Variants in BANF2 observed in about 807,000 individuals in gnomAD.
BANF2 encodes barrier-to-autointegration factor-like protein.
BANF2 carries 4 observed loss-of-function variants against 8.0 expected under a neutral mutation model. The observed-to-expected ratio is 0.50, with a 90% CI of 0.25 to 1.14. BANF2 has a LOEUF of 1.14. Ranked by LOEUF, BANF2 falls within the 50% of genes most tolerant of loss-of-function variation. The pLI is 0.16. For synonymous variants in BANF2, 50 were observed against 40.6 expected, an observed-to-expected ratio of 1.23 and a Z score of -0.88; for missense variants, 96 against 107.5, an observed-to-expected ratio of 0.89 and a Z score of 0.47.
chr20:17,728,232 T>A (rs889173600), intron 3 of BANF2, among the ~76,000 whole-genome samples: 1 of 152,186 alleles, frequency 6.6e-6, no homozygotes, highest in African/African-American at 2.4e-5. Flanking sequence ...CGCCCTTGCT[T>A]GTGACGGCGT....
intron 3 of BANF2, among the ~76,000 whole-genome samples, chr20:17,734,195 C>T (rs1162481536): frequency 2.6e-5 from 4 of 152,152 alleles, no homozygotes; most frequent in East Asian, 1.9e-4. Context: ...TTAAAAGCCT[C>T]GAGGCAAGTA....
At chr20:17,728,601 C>T (rs2037845918) in intron 3 of BANF2, among the ~76,000 whole-genome samples, 1 of 152,162 alleles carries the variant, frequency 6.6e-6, no homozygotes, top group Non-Finnish European at 1.5e-5. Flanking sequence ...GTTCTTACTG[C>T]CTGTCCCCAT....
intron 1 of BANF2, chr20:17,712,468 C>G: frequency 1.1e-6 from 1 of 942,828 alleles, no homozygotes; most frequent in Non-Finnish European, 1.3e-6. Context: ...GCACCATTCC[C>G]ACAGCCCGAC....
intron 1 of BANF2, among the ~76,000 whole-genome samples, chr20:17,711,646 TA>T (rs1440112518): frequency 6.6e-6 from 1 of 152,082 alleles, no homozygotes; most frequent in African/African-American, 2.4e-5. Flanking sequence ...ACAAGGGGGT[TA>T]GGGTTTTGTG....
At chr20:17,700,604 TG>T (rs2037392613) in intron 1 of BANF2, among the ~76,000 whole-genome samples, 2 of 152,176 alleles carry the variant, frequency 1.3e-5, no homozygotes, top group African/African-American at 4.8e-5. Context: ...CCTTTCCTTT[TG>T]GGACAGTAAG....
chr20:17,694,570 T>C (rs1005393742), intron 1 of BANF2, among the ~76,000 whole-genome samples: 1 of 149,012 alleles, frequency 6.7e-6, no homozygotes, highest in Non-Finnish European at 1.5e-5. Context: ...GTTTTATAGT[T>C]TGCAGGGGGC....
intron 2 of BANF2, among the ~76,000 whole-genome samples, chr20:17,723,537 G>T (rs1359371577): frequency 1.3e-5 from 2 of 152,196 alleles, no homozygotes; most frequent in Non-Finnish European, 2.9e-5. Flanking sequence ...TCCCTATTGT[G>T]TAAACTGATT....
chr20:17,702,873 A>C (rs2037429695), intron 1 of BANF2, among the ~76,000 whole-genome samples: 1 of 152,170 alleles, frequency 6.6e-6, no homozygotes, highest in Admixed American at 6.5e-5. Context: ...GCCACTGGGC[A>C]CTTGGGATGT....
At chr20:17,727,769 C>T (rs1747800749) in intron 3 of BANF2, among the ~76,000 whole-genome samples, 2 of 152,134 alleles carry the variant, frequency 1.3e-5, no homozygotes, top group Non-Finnish European at 2.9e-5. Context: ...TGTTTTGAGA[C>T]AGTCTCATTG....
At chr20:17,720,329 T>C (rs994934776) in intron 1 of BANF2, among the ~76,000 whole-genome samples, 2 of 152,186 alleles carry the variant, frequency 1.3e-5, no homozygotes, top group African/African-American at 4.8e-5. Flanking sequence ...GGTGGGAGCA[T>C]CCCAAACGTC....
chr20:17,729,283 A>G (rs2037859604), intron 3 of BANF2, among the ~76,000 whole-genome samples: 1 of 152,062 alleles, frequency 6.6e-6, no homozygotes. Context: ...CCCTCCTGCC[A>G]ACTTGGAGCC....
chr20:17,706,754 T>C (rs2037487752), intron 1 of BANF2, among the ~76,000 whole-genome samples: 1 of 152,204 alleles, frequency 6.6e-6, no homozygotes, highest in Non-Finnish European at 1.5e-5. Context: ...AGGGGTAGCA[T>C]TCAATGAGCA....
intron 1 of BANF2, chr20:17,693,714 A>G (rs1420338138): frequency 1.0e-5 from 16 of 1,551,584 alleles, no homozygotes; most frequent in Non-Finnish European, 1.3e-5. Flanking sequence ...AAGGTAAGGC[A>G]GATTGGTCTG....
At chr20:17,723,521 A>T (rs185304446) in intron 2 of BANF2, among the ~76,000 whole-genome samples, 1 of 152,332 alleles carries the variant, frequency 6.6e-6, no homozygotes, top group Non-Finnish European at 1.5e-5. Context: ...ATGTGCTAAT[A>T]ACACCTCCCT....
At chr20:17,702,711 A>G (rs775421134) in intron 1 of BANF2, among the ~76,000 whole-genome samples, 3 of 152,186 alleles carry the variant, frequency 2.0e-5, no homozygotes, top group African/African-American at 4.8e-5. Context: ...CAGAAATTTA[A>G]TGGAATACTA....
At chr20:17,719,651 A>G (rs1301306229) in intron 1 of BANF2, among the ~76,000 whole-genome samples, 1 of 151,032 alleles carries the variant, frequency 6.6e-6, no homozygotes, top group Non-Finnish European at 1.5e-5. Context: ...AATTCCAGGT[A>G]TAATTTCCTT....
At chr20:17,712,004 G>A (rs2037580970) in intron 1 of BANF2, among the ~76,000 whole-genome samples, 1 of 152,236 alleles carries the variant, frequency 6.6e-6, no homozygotes. Context: ...CCAGGTGGGT[G>A]TGGAGACAGG....
chr20:17,707,333 A>G (rs1236353451), intron 1 of BANF2, among the ~76,000 whole-genome samples: 1 of 149,834 alleles, frequency 6.7e-6, no homozygotes, highest in East Asian at 1.9e-4. Flanking sequence ...CAGTGAACCG[A>G]GATCGCACCA....
intron 1 of BANF2, among the ~76,000 whole-genome samples, chr20:17,710,553 C>T (rs1041225196): frequency 7.9e-5 from 12 of 152,182 alleles, no homozygotes; most frequent in East Asian, 3.9e-4. Context: ...CCATTTCTCC[C>T]GCTTGCCTGT....
Sources: allele counts gnomAD v4.1 joint callset (sites outside exome capture counted in the v4.1 genomes callset), GRCh38; gene constraint gnomAD v4.1.1; transcripts MANE v1.5; gene names NCBI Gene and HGNC (gene_info 2026-07-23, HGNC 2026-07-21).